OPCML: variants seen among roughly 807,000 people sequenced by gnomAD.
The protein encoded by OPCML is opioid binding protein/cell adhesion molecule like.
OPCML carries 13 observed loss-of-function variants against 37.8 expected under a neutral mutation model. The observed-to-expected ratio is 0.34, with a 90% CI of 0.22 to 0.55. The LOEUF is 0.55. Among genes scored for constraint, OPCML ranks in the 20% least tolerant of loss-of-function variants. OPCML has a pLI of 0.91. For missense variants in OPCML, 341 were observed against 435.6 expected, an observed-to-expected ratio of 0.78 and a Z score of 1.93; for synonymous variants, 176 against 168.8, an observed-to-expected ratio of 1.04 and a Z score of -0.33.
intron 4 of OPCML, among the ~76,000 whole-genome samples, chr11:132,474,485 T>G (rs1336489910): frequency 6.6e-6 from 1 of 150,926 alleles, no homozygotes; most frequent in Non-Finnish European, 1.5e-5. Flanking sequence ...GCCCCAGATG[T>G]GATAGGTAGC....
chr11:132,494,482 T>C (rs2096225161), intron 4 of OPCML, among the ~76,000 whole-genome samples: 1 of 152,148 alleles, frequency 6.6e-6, no homozygotes, highest in African/African-American at 2.4e-5. Context: ...CTTCCCTCCC[T>C]ATCTCATGTT....
chr11:132,506,070 C>T (rs1328934612), intron 4 of OPCML, among the ~76,000 whole-genome samples: 2 of 152,094 alleles, frequency 1.3e-5, no homozygotes, highest in East Asian at 1.9e-4. Flanking sequence ...AAAAGAAGAC[C>T]TCAGCTTGCT....
intron 4 of OPCML, among the ~76,000 whole-genome samples, chr11:132,454,699 G>A (rs926676520): frequency 1.3e-4 from 20 of 152,212 alleles, no homozygotes; most frequent in Non-Finnish European, 2.9e-5. Flanking sequence ...AGAGAGGAGA[G>A]AAGGGCTGCC....
At chr11:133,404,551 A>G (rs1945484821) in intron 1 of OPCML, among the ~76,000 whole-genome samples, 1 of 152,200 alleles carries the variant, frequency 6.6e-6, no homozygotes, top group Non-Finnish European at 1.5e-5. Flanking sequence ...CTAAAGAGAT[A>G]AAGCAACTTT....
chr11:132,966,695 T>A (rs1341985875), intron 1 of OPCML, among the ~76,000 whole-genome samples: 4 of 152,120 alleles, frequency 2.6e-5, no homozygotes, highest in Non-Finnish European at 5.9e-5. Flanking sequence ...CCCTCTTCTT[T>A]TAAATCAATA....
intron 1 of OPCML, among the ~76,000 whole-genome samples, chr11:133,115,136 T>C (rs1239137894): frequency 6.6e-6 from 1 of 152,188 alleles, no homozygotes; most frequent in Non-Finnish European, 1.5e-5. Context: ...CACCCACTTG[T>C]TTGTAACTCT....
At chr11:133,355,956 T>C (rs1944279780) in intron 1 of OPCML, among the ~76,000 whole-genome samples, 1 of 152,148 alleles carries the variant, frequency 6.6e-6, no homozygotes, top group Admixed American at 6.5e-5. Flanking sequence ...GACAGAGGGA[T>C]TTAAATAGAG....
At chr11:133,003,793 G>C in intron 1 of OPCML, 1 of 985,386 alleles carries the variant, frequency 1.0e-6, no homozygotes, top group Non-Finnish European at 1.2e-6. Flanking sequence ...AGTGTTCTTT[G>C]TGCTGGGCCC....
rs780445401 is a variant in OPCML, at chr11:132,924,054, C to T, written c.146+18872G>A. Among the ~76,000 whole-genome samples, 7 of 151,914 alleles carry T rather than the reference C, an allele frequency of 4.6e-5. No homozygotes were observed. The East Asian group carries it at 9.7e-4, about 21-fold the overall frequency. On this transcript the variant is annotated intron_variant, in intron 2 of 7. Transcript: ENST00000524381. ...CTGAGATTACAGGTGTGAGCCACTG[C>T]GCCCAGCCCCTAATTAAATCGAAAT...
chr11:132,771,632 A>G (rs1591587180), intron 2 of OPCML: 1 of 152,250 alleles, frequency 6.6e-6, no homozygotes, highest in Non-Finnish European at 1.5e-5. Context: ...TCTTGTCAGC[A>G]TAAGTTTATT....
intron 3 of OPCML, among the ~76,000 whole-genome samples, chr11:132,581,331 G>C (rs1401551306): frequency 6.6e-6 from 1 of 152,156 alleles, no homozygotes; most frequent in Non-Finnish European, 1.5e-5. Context: ...CCTGTCCCCT[G>C]TGTCTACATA....
intron 1 of OPCML, among the ~76,000 whole-genome samples, chr11:133,044,527 G>C (rs1177531774): frequency 6.6e-6 from 1 of 152,152 alleles, no homozygotes; most frequent in Non-Finnish European, 1.5e-5. Flanking sequence ...CCAAAAAAGA[G>C]GCCGAGGGCG....
intron 2 of OPCML, among the ~76,000 whole-genome samples, 157 bp downstream of exon 2, chr11:132,942,769 G>A (rs917398413): frequency 4.6e-5 from 7 of 152,298 alleles, no homozygotes; most frequent in African/African-American, 1.7e-4. Context: ...CCAGGGGCAC[G>A]GCAGTCGGCA....
At chr11:132,714,525 C>T (rs766329485) in intron 2 of OPCML, among the ~76,000 whole-genome samples, 36 of 152,254 alleles carry the variant, frequency 2.4e-4, no homozygotes, top group African/African-American at 4.8e-4. Context: ...TGGCAGAGCA[C>T]GCAATGCCGC....
intron 7 of OPCML, among the ~76,000 whole-genome samples, chr11:132,433,217 A>G (rs36119875): frequency 5.8e-4 from 88 of 152,350 alleles, no homozygotes; most frequent in Admixed American, 2.9e-3. Flanking sequence ...GGGCCATGTC[A>G]CAATAAGTGT....
intron 1 of OPCML, among the ~76,000 whole-genome samples, chr11:133,305,362 A>G (rs1942887725): frequency 6.6e-6 from 1 of 152,176 alleles, no homozygotes; most frequent in Non-Finnish European, 1.5e-5. Flanking sequence ...AAGTATTTTC[A>G]TTGCATGTGG....
At chr11:133,054,035 A>G (rs1326905632) in intron 1 of OPCML, among the ~76,000 whole-genome samples, 1 of 152,186 alleles carries the variant, frequency 6.6e-6, no homozygotes, top group African/African-American at 2.4e-5. Context: ...CTAAAACCCT[A>G]GATGTCATCT....
intron 2 of OPCML, among the ~76,000 whole-genome samples, chr11:132,925,782 G>A (rs1240811055): frequency 6.6e-6 from 1 of 152,152 alleles, no homozygotes; most frequent in Non-Finnish European, 1.5e-5. Flanking sequence ...GAGAAGAATT[G>A]TTGATTTTCA....
At chr11:133,428,397 G>T (rs1032199110) in intron 1 of OPCML, among the ~76,000 whole-genome samples, 2 of 152,148 alleles carry the variant, frequency 1.3e-5, no homozygotes, top group Non-Finnish European at 2.9e-5. Context: ...TTGGTAGCAT[G>T]ATGAAAAGGG....
Sources: gnomAD v4.1 joint callset for allele counts (sites outside exome capture counted in the v4.1 genomes callset) on GRCh38, gnomAD v4.1.1 for gene constraint, MANE v1.5 for transcripts, NCBI Gene and HGNC (gene_info 2026-07-23, HGNC 2026-07-21) for gene names.